PALM2AKAP2: variants seen among roughly 807,000 people sequenced by gnomAD.
PALM2AKAP2 encodes the protein PALM2 and AKAP2 fusion, also known as PALM2-AKAP2 fusion protein.
Under a neutral mutation model 71.5 loss-of-function variants are expected in PALM2AKAP2, and 37 were observed. The ratio of observed to expected loss-of-function variants is 0.52; its 90% confidence interval spans 0.40 to 0.68. The LOEUF is 0.68. Ranked by LOEUF, PALM2AKAP2 falls within the 30% of genes least tolerant of loss-of-function variation. The pLI, the probability that PALM2AKAP2 is intolerant of heterozygous loss-of-function variation, is 0.00. For synonymous variants in PALM2AKAP2, 468 were observed against 478.8 expected (o/e 0.98, Z 0.29); for missense variants, 1,224 against 1,191.8 (o/e 1.03, Z -0.40).
intron 7 of PALM2AKAP2, among the ~76,000 whole-genome samples, chr9:110,021,966 TG>T (rs1185717301): frequency 1.3e-5 from 2 of 152,198 alleles, no homozygotes; most frequent in African/African-American, 4.8e-5. Flanking sequence ...TAATGCAGTC[TG>T]GGGGTGGCAA....
chr9:110,018,369 C>T (rs1833018907), intron 7 of PALM2AKAP2, among the ~76,000 whole-genome samples: 1 of 151,984 alleles, frequency 6.6e-6, no homozygotes, highest in Non-Finnish European at 1.5e-5. Context: ...TGCTCTGTCA[C>T]CCAGGCTGGA....
intron 1 of PALM2AKAP2, among the ~76,000 whole-genome samples, chr9:109,687,801 C>T (rs933465859): frequency 7.2e-5 from 11 of 152,244 alleles, no homozygotes; most frequent in African/African-American, 2.4e-4. Flanking sequence ...TTTCAACATG[C>T]CTTTCTCACT....
In PALM2AKAP2 at chr9:110,043,379, A is replaced by G. The variant is rs191608126; in HGVS notation, c.582+27340A>G. Among the ~76,000 whole-genome samples the G allele has an allele frequency of 1.8e-4, 27 of 152,304 alleles. No individual in the cohort carries two copies. The East Asian group carries it at 4.6e-3, about 26-fold the overall frequency. On this transcript the variant is annotated intron_variant, in intron 7 of 9. Transcript: ENST00000302798. The stretch of plus-strand genomic sequence containing the variant: ...CCCCACCACTCTGGTCTTTCATCCA[A>G]TTTGAGAGATTTTGTAAACTTCTGA...
At chr9:109,748,965 A>G (rs944304126) in intron 1 of PALM2AKAP2, among the ~76,000 whole-genome samples, 4 of 152,190 alleles carry the variant, frequency 2.6e-5, no homozygotes, top group Non-Finnish European at 4.4e-5. Context: ...TGATGATCTC[A>G]TTGTGACTTA....
chr9:109,780,639 A>G, intron 1 of PALM2AKAP2, 106 bp downstream of exon 1: 1 of 1,501,242 alleles, frequency 6.7e-7, no homozygotes, highest in East Asian at 2.3e-5. Context: ...CGCAGGTCAT[A>G]TGTTCCAGGG....
intron 6 of PALM2AKAP2, among the ~76,000 whole-genome samples, chr9:110,005,469 G>C (rs947698728): frequency 2.6e-5 from 4 of 152,214 alleles, no homozygotes; most frequent in African/African-American, 9.6e-5. Flanking sequence ...GCTACTCGGG[G>C]GTCAGGGACC....
intron 1 of PALM2AKAP2, among the ~76,000 whole-genome samples, chr9:109,685,308 A>G (rs1298192578): frequency 2.6e-5 from 4 of 152,184 alleles, no homozygotes; most frequent in Admixed American, 6.6e-5. Context: ...CATTTTATGC[A>G]AATTATACCT....
At chr9:109,958,437 G>T (rs896099766) in intron 6 of PALM2AKAP2, among the ~76,000 whole-genome samples, 1 of 152,244 alleles carries the variant, frequency 6.6e-6, no homozygotes, top group South Asian at 2.1e-4. Context: ...TGCCTTTATC[G>T]TATGACTTAG....
chr9:109,994,997 C>A (rs1330526248), intron 6 of PALM2AKAP2, among the ~76,000 whole-genome samples: 2 of 152,234 alleles, frequency 1.3e-5, no homozygotes, highest in African/African-American at 4.8e-5. Flanking sequence ...GCCACCAGGG[C>A]TGCCATGTAT....
At chr9:110,051,957 C>A (rs970869641) in intron 1 of PALM2AKAP2, among the ~76,000 whole-genome samples, 8 of 150,964 alleles carry the variant, frequency 5.3e-5, no homozygotes, top group Non-Finnish European at 1.0e-4. Context: ...GGCTGGAATG[C>A]AGTGGCGCGA....
chr9:110,084,902 A>AT (rs35600473), intron 1 of PALM2AKAP2, among the ~76,000 whole-genome samples: 31,120 of 147,680 alleles, frequency 0.21, 4,097 homozygotes, highest in East Asian at 0.41. Context: ...CGCCCAGCTG[A>AT]TTTTTTTTTT....
rs1827779084 is a variant in PALM2AKAP2, at chr9:109,684,352, G to A, written c.5+43486G>A. ...GGAGTTTCTAATGCGCTAATGCCCG[G>A]GCCCCACTCTAGACCCCTCTGAATC... On this transcript the variant is annotated intron_variant, in intron 1 of 6. Coordinates refer to the PALM2AKAP2 transcript ENST00000374531. 2.6e-5 allele frequency among the ~76,000 whole-genome samples: 4 copies of A among 152,206 alleles called. No individual in the cohort carries two copies. In the South Asian group the frequency reaches 8.3e-4, roughly 32 times the overall value.
At chr9:109,756,804 G>A (rs1441603668) in intron 1 of PALM2AKAP2, among the ~76,000 whole-genome samples, 1 of 152,036 alleles carries the variant, frequency 6.6e-6, no homozygotes, top group Non-Finnish European at 1.5e-5. Context: ...ATTGTTTTAT[G>A]CATGGTTAGC....
At chr9:109,656,781 TCACAA>T (rs1044772750) in intron 1 of PALM2AKAP2, among the ~76,000 whole-genome samples, 1 of 152,168 alleles carries the variant, frequency 6.6e-6, no homozygotes. Flanking sequence ...TGGTCGGATT[TCACAA>T]CAGTCTCTGA....
exon 4 of PALM2AKAP2, chr9:110,168,479 GGAA>G (rs1564345393): frequency 1.9e-6 from 3 of 1,614,140 alleles, no homozygotes; most frequent in Non-Finnish European, 2.5e-6. Context: ...CCAACCAGGA[GGAA>G]GAAGACAACG....
chr9:109,643,194 T>C (rs62581667), intron 1 of PALM2AKAP2, among the ~76,000 whole-genome samples: 1 of 151,872 alleles, frequency 6.6e-6, no homozygotes, highest in African/African-American at 2.4e-5. Context: ...ACTGTTGATG[T>C]GAGAACTAGC....
chr9:109,855,059 T>C (rs1445739233), intron 1 of PALM2AKAP2, among the ~76,000 whole-genome samples: 2 of 148,080 alleles, frequency 1.4e-5, no homozygotes, highest in Non-Finnish European at 3.0e-5. Flanking sequence ...TGAGCCACCA[T>C]GCCTGGTGCC....
At chr9:110,044,959 G>C (rs1588075007), upstream of PALM2AKAP2, among the ~76,000 whole-genome samples, 1 of 152,264 alleles carries the variant, frequency 6.6e-6, no homozygotes, top group African/African-American at 2.4e-5. Flanking sequence ...TCAGTTTGGG[G>C]AGAGAGGGAG....
chr9:109,892,261 G>A (rs1022465033), intron 3 of PALM2AKAP2, among the ~76,000 whole-genome samples: 2 of 152,034 alleles, frequency 1.3e-5, no homozygotes, highest in Non-Finnish European at 2.9e-5. Flanking sequence ...TGGCTGTGTC[G>A]CTCTAATCTC....
Sources: allele counts gnomAD v4.1 joint callset (sites outside exome capture counted in the v4.1 genomes callset), GRCh38; gene constraint gnomAD v4.1.1; transcripts MANE v1.5; gene names NCBI Gene and HGNC (gene_info 2026-07-23, HGNC 2026-07-21).